The following MIOS variants were observed in gnomAD, a reference collection of about 807,000 sequenced individuals.
MIOS encodes meiosis regulator for oocyte development, also known as GATOR2 complex protein MIOS.
Under a neutral mutation model 96.9 loss-of-function variants are expected in MIOS, and 52 were observed. The observed-to-expected ratio is 0.54, with a 90% CI of 0.43 to 0.68. MIOS has a LOEUF of 0.68. MIOS is among the 30% of genes least tolerant of loss of function. The pLI is 0.00. For missense variants in MIOS, 1,005 were observed against 1,052.8 expected (o/e 0.95, Z 0.63); for synonymous variants, 397 against 359.5 (o/e 1.10, Z -1.18).
chr7:7,600,935 A>T (rs934743621), intron 11 of MIOS, among the ~76,000 whole-genome samples: 6 of 152,192 alleles, frequency 3.9e-5, no homozygotes, highest in African/African-American at 1.4e-4. Flanking sequence ...GCTCAACTAC[A>T]TGGAAACTGA....
intron 5 of MIOS, among the ~76,000 whole-genome samples, chr7:7,581,256 G>C (rs1034536212): frequency 6.0e-5 from 9 of 150,230 alleles, no homozygotes; most frequent in Admixed American, 2.0e-4. Context: ...AGCTGAGATC[G>C]TGTGCCATTG....
chr7:7,605,921 G>T, intron 11 of MIOS, 21 bp from the exon 12 acceptor site: 1 of 1,605,368 alleles, frequency 6.2e-7, no homozygotes. Context: ...AGTTAATGAA[G>T]ATCATTTTAT....
chr7:7,567,955 A>T (rs3757529), intron 2 of MIOS, 71 bp from the exon 3 acceptor site: 118,327 of 152,196 alleles, frequency 0.78, 46,430 homozygotes, highest in East Asian at 0.88. Flanking sequence ...ATTCCACCTA[A>T]TTTTACTTTT....
intron 11 of MIOS, among the ~76,000 whole-genome samples, chr7:7,601,778 AT>A (rs1784386674): frequency 6.6e-6 from 1 of 152,226 alleles, no homozygotes; most frequent in Non-Finnish European, 1.5e-5. Flanking sequence ...AAAAAAGAGA[AT>A]TTTAGGCCAA....
intron 9 of MIOS, among the ~76,000 whole-genome samples, chr7:7,591,038 G>T (rs1054989939): frequency 6.6e-6 from 1 of 152,096 alleles, no homozygotes; most frequent in African/African-American, 2.4e-5. Context: ...ATTATGAAAA[G>T]AAAACATGGG....
At chr7:7,593,902 GAAAAGAAA>G (rs1784126112) in intron 9 of MIOS, among the ~76,000 whole-genome samples, 3 of 99,626 alleles carry the variant, frequency 3.0e-5, no homozygotes, top group African/African-American at 8.6e-5. Flanking sequence ...AAAAGAAAAA[GAAAAGAAA>G]AAAAGAAAAC....
chr7:7,590,281 C>G (rs890657564), intron 9 of MIOS, among the ~76,000 whole-genome samples: 4 of 152,168 alleles, frequency 2.6e-5, no homozygotes, highest in Non-Finnish European at 4.4e-5. Flanking sequence ...TATAGAGACA[C>G]TAGCCCACAG....
At chr7:7,580,710 T>TA in intron 5 of MIOS, among the ~76,000 whole-genome samples, 1 of 150,178 alleles carries the variant, frequency 6.7e-6, no homozygotes, top group East Asian at 2.0e-4. Context: ...TTTTTTTTTT[T>TA]TAAAGAGACA....
Position 7,572,625 on chromosome 7 carries a change from A to G in MIOS, c.150A>G (p.Ala50=), listed in dbSNP as rs781522418. The change falls in exon 4 of 13, where the codon GCA becomes GCG. Residue 50 remains alanine (A), a synonymous_variant. Coordinates refer to ENST00000340080, the MANE Select transcript of MIOS (RefSeq NM_019005.4). This position sits in a 1 kb window ranked among gnomAD's most constrained non-coding sequence, Gnocchi z 4.8. ...AGSLRLSEDS[A]ATLLSINSDT... is the part of the protein sequence containing the mutation. ...CTTTACGTTTATCTGAAGACTCTGC[A>G]GCTACATTACTGTCAATAAATTCAG... The G allele has an allele frequency of 2.0e-5, 32 of 1,614,040 alleles. No homozygotes were observed. The highest frequency in any genetic ancestry group is 2.7e-5 in the Non-Finnish European group (32 of 1,180,012).
intron 5 of MIOS, among the ~76,000 whole-genome samples, chr7:7,578,220 A>T (rs367585047): frequency 6.6e-6 from 1 of 152,198 alleles, no homozygotes; most frequent in South Asian, 2.1e-4. Context: ...GCTTAGATCA[A>T]CCAGGATGAG....
intron 9 of MIOS, among the ~76,000 whole-genome samples, chr7:7,592,555 C>T (rs770223967): frequency 8.2e-4 from 124 of 152,096 alleles, no homozygotes; most frequent in Non-Finnish European, 1.2e-3. Context: ...TTCTACAACT[C>T]ACCATAATGT....
At chr7:7,577,423 G>T (rs2115375053) in intron 5 of MIOS, among the ~76,000 whole-genome samples, 1 of 152,192 alleles carries the variant, frequency 6.6e-6, no homozygotes, top group East Asian at 1.9e-4. Context: ...TTTTTTGAAG[G>T]AATTTGACTA....
chr7:7,586,329 G>T (rs1405764854), intron 7 of MIOS, among the ~76,000 whole-genome samples: 1 of 152,002 alleles, frequency 6.6e-6, no homozygotes, highest in Admixed American at 6.6e-5. Context: ...CTTTTTATTT[G>T]GTCTTTGTGT....
Position 7,580,547 on chromosome 7 carries a change from A to G in MIOS, c.1394-2571A>G, listed in dbSNP as rs191482783. Among the ~76,000 whole-genome samples, 580 of 152,304 alleles carry G rather than the reference A, an allele frequency of 3.8e-3. 1 individual carries two copies. The highest frequency in any genetic ancestry group is 5.8e-3 in the Admixed American group (88 of 15,304). ...AACACATCTTGAAACTTTTTCATAA[A>G]GCAATCGGATATAATTTAAAATATG... On this transcript the variant is annotated intron_variant, in intron 5 of 12. Coordinates refer to ENST00000340080, the MANE Select transcript of MIOS (RefSeq NM_019005.4).
rs1357940329 is a variant in MIOS at position 7,607,868 on chromosome 7, C to T, written c.*776C>T. Reference sequence around the variant, plus strand: ...CTTTCTACCTTTTGCCTTCCAATGTCCTGATTTGTCTTCAAAGGTTTTTCT... The same window carrying T: ...CTTTCTACCTTTTGCCTTCCAATGTTCTGATTTGTCTTCAAAGGTTTTTCT... On this transcript the variant is annotated 3_prime_UTR_variant, in exon 13 of 13. Coordinates refer to ENST00000340080, the MANE Select transcript of MIOS (RefSeq NM_019005.4). 1 of 152,084 alleles carries T rather than the reference C, an allele frequency of 6.6e-6. No individual in the cohort carries two copies. Among genetic ancestry groups the T allele is most frequent in the African/African-American group, 2.4e-5 (1 of 41,416 alleles). The allele number at this position is 152,084 out of a possible 1,614,324, so 9.4% of individuals were successfully genotyped here. A position where few individuals can be genotyped will look rare whatever the true frequency, so the allele number is the denominator to read the frequency against.
In MIOS at chr7:7,607,256, T is replaced by G; in HGVS notation, c.*164T>G. ...TTTTGATGTTTGAGTGATTTTGATA[T>G]GCTTCACAGAGACAAATGCTGCCAA... On this transcript the variant is annotated 3_prime_UTR_variant, in exon 13 of 13. Transcript: ENST00000340080. 1.9e-6 allele frequency: 1 copy of G among 535,852 alleles called. No individual in the cohort carries two copies. Among genetic ancestry groups the G allele is most frequent in the Non-Finnish European group, 3.2e-6 (1 of 309,326 alleles). The allele number at this position is 535,852 out of a possible 1,614,324, so 33.2% of individuals were successfully genotyped here.
At chr7:7,590,223 G>C (rs556999164) in intron 9 of MIOS, among the ~76,000 whole-genome samples, 3 of 152,126 alleles carry the variant, frequency 2.0e-5, no homozygotes, top group African/African-American at 7.2e-5. Flanking sequence ...TGTGTACTGG[G>C]TGAACACAGG....
intron 7 of MIOS, among the ~76,000 whole-genome samples, chr7:7,586,153 C>G (rs943734159): frequency 3.0e-5 from 3 of 100,268 alleles, no homozygotes; most frequent in Non-Finnish European, 5.9e-5. Context: ...TGCACACATG[C>G]ACGTGTGTGT....
At chr7:7,592,957 A>G (rs1343747961) in intron 9 of MIOS, among the ~76,000 whole-genome samples, 4 of 151,972 alleles carry the variant, frequency 2.6e-5, no homozygotes, top group South Asian at 2.1e-4. Flanking sequence ...TCAAAACACT[A>G]TTTTCCCAAG....
Sources: gnomAD v4.1 joint callset for allele counts (sites outside exome capture counted in the v4.1 genomes callset) on GRCh38, gnomAD v4.1.1 for gene constraint, Gnocchi (gnomAD v3.1) non-coding constraint, MANE v1.5 for transcripts, NCBI Gene and HGNC (gene_info 2026-07-23, HGNC 2026-07-21) for gene names.